The following MLF1 variants were observed in gnomAD, a reference collection of about 807,000 sequenced individuals.
MLF1 encodes myelodysplasia-myeloid leukemia factor 1.
MLF1 carries 37 observed loss-of-function variants against 38.3 expected under a neutral mutation model. That is an observed-to-expected ratio of 0.96 (90% CI 0.74 to 1.27). MLF1 has a LOEUF of 1.27. Among genes scored for constraint, MLF1 ranks in the 50% most tolerant of loss-of-function variants. The probability of loss-of-function intolerance (pLI) is 0.00; values close to 1 mark genes in which losing one functional copy is unlikely to be tolerated. For missense variants in MLF1, 331 were observed against 349.2 expected, an observed-to-expected ratio of 0.95 and a Z score of 0.42; for synonymous variants, 95 against 106.5, an observed-to-expected ratio of 0.89 and a Z score of 0.66.
Position 158,571,245 on chromosome 3 carries a change from G to C in MLF1, c.-56G>C, listed in dbSNP as rs935774995. On this transcript the variant is annotated 5_prime_UTR_variant, in exon 1 of 8. Transcript: ENST00000466246. ...CTAGCTCTTGTCGCGGCCGCGGCGAGTTAACATCGTTTTTCCAATCTGTCC... is the reference window on the plus strand; with the variant it reads ...CTAGCTCTTGTCGCGGCCGCGGCGACTTAACATCGTTTTTCCAATCTGTCC... The C allele has an allele frequency of 9.7e-6, 14 of 1,443,552 alleles. No individual in the cohort carries two copies. The highest frequency in any genetic ancestry group is 1.7e-5 in the Admixed American group (1 of 58,898). The allele number at this position is 1,443,552 out of a possible 1,614,324, so 89.4% of individuals were successfully genotyped here.
intron 1 of MLF1, among the ~76,000 whole-genome samples, chr3:158,572,808 CG>C (rs1714738773): frequency 7.2e-6 from 1 of 139,462 alleles, no homozygotes; most frequent in South Asian, 2.5e-4. Flanking sequence ...GGCGTGAGGT[CG>C]CAGGAGGATG....
Position 158,592,570 on chromosome 3 carries a change from G to T in MLF1, c.184G>T (p.Asp62Tyr), listed in dbSNP as rs138730214. 1.6e-5 allele frequency: 25 copies of T among 1,604,242 alleles called. No individual in the cohort carries two copies. The highest frequency in any genetic ancestry group is 2.1e-5 in the Non-Finnish European group (25 of 1,177,498). The change falls in exon 2 of 8, where the codon GAT becomes TAT. Residue 62 changes from aspartate to tyrosine, a missense_variant. Transcript: ENST00000466246. ...TCGTAGAGGACATAATGATGGTGAA[G>T]ATTCTTTGACTGTAAGTTCTTTTTT... ...HNRRGHNDGE[D>Y]SLTATSCSLV...
rs1198984587 is a variant in MLF1 at position 158,606,380 on chromosome 3, TTA to T, written c.*1183_*1184del. The T allele has an allele frequency of 6.1e-6, 1 of 163,674 alleles. No individual in the cohort carries two copies. Among genetic ancestry groups the T allele is most frequent in the Non-Finnish European group, 1.3e-5 (1 of 75,074 alleles). The allele number at this position is 163,674 out of a possible 1,614,324, so 10.1% of individuals were successfully genotyped here. A position where few individuals can be genotyped will look rare whatever the true frequency, so the allele number is the denominator to read the frequency against. ...ACTATGTTCATACTTCTCTAATTTT[TTA>T]TATAATATTTTTGTTAATTTTACTA... is the stretch of plus-strand genomic sequence containing the variant. On this transcript the variant is annotated 3_prime_UTR_variant, in exon 8 of 8. Transcript: ENST00000466246.
intron 3 of MLF1, among the ~76,000 whole-genome samples, 183 bp downstream of exon 3, chr3:158,593,609 G>C (rs978670515): frequency 3.3e-5 from 5 of 152,160 alleles, no homozygotes; most frequent in Non-Finnish European, 5.9e-5. Flanking sequence ...CATGTTTCCT[G>C]AAGTAAGTCA....
rs565003739 is a variant in MLF1, at chr3:158,586,121, G to A, written c.48-6313G>A. Among the ~76,000 whole-genome samples the A allele has an allele frequency of 4.6e-5, 7 of 150,814 alleles. No homozygotes were observed. The South Asian group carries it at 8.4e-4, about 18-fold the overall frequency. ...GGAGGTTGCAGTGAGCTGAGATTGC[G>A]CCATTGCACTCCAGCCTGGGCAGCA... is the stretch of plus-strand genomic sequence containing the variant. On this transcript the variant is annotated intron_variant, in intron 1 of 7. Transcript: ENST00000466246.
chr3:158,574,523 A>AAAAAAAAAAAAAACAAAAAC (rs1553830589), intron 1 of MLF1, among the ~76,000 whole-genome samples: 1 of 115,698 alleles, frequency 8.6e-6, no homozygotes, highest in African/African-American at 2.9e-5. Flanking sequence ...AAAAAAAAAA[A>AAAAAAAAAAAAAACAAAAAC]AAAATACAAA....
chr3:158,576,203 T>A (rs1178993569), intron 1 of MLF1, among the ~76,000 whole-genome samples: 3 of 152,212 alleles, frequency 2.0e-5, no homozygotes, highest in Admixed American at 2.0e-4. Context: ...TAAACTTTGG[T>A]ATCTCATTAT....
At chr3:158,580,788 A>G (rs1716218728) in intron 1 of MLF1, among the ~76,000 whole-genome samples, 1 of 32,722 alleles carries the variant, frequency 3.1e-5, no homozygotes, top group Non-Finnish European at 6.4e-5. Flanking sequence ...TCTCTACCAG[A>G]AAAAAAAAAA....
chr3:158,575,623 A>C (rs927764398), intron 1 of MLF1, among the ~76,000 whole-genome samples: 7 of 152,188 alleles, frequency 4.6e-5, no homozygotes, highest in Non-Finnish European at 8.8e-5. Flanking sequence ...CACATAGCTC[A>C]TGCCCACTCT....
chr3:158,587,875 C>T (rs1199991654), intron 1 of MLF1, among the ~76,000 whole-genome samples: 1 of 152,204 alleles, frequency 6.6e-6, no homozygotes, highest in Admixed American at 6.5e-5. Context: ...GCGGCGTGCG[C>T]CTGTAGTCCC....
At chr3:158,578,295 A>G (rs940568520) in intron 1 of MLF1, among the ~76,000 whole-genome samples, 8 of 152,118 alleles carry the variant, frequency 5.3e-5, no homozygotes, top group East Asian at 1.9e-4. Flanking sequence ...TGAGAACCTT[A>G]TGTAATAGGT....
chr3:158,582,792 A>T (rs555253527), intron 1 of MLF1: 20 of 635,316 alleles, frequency 3.1e-5, no homozygotes, highest in South Asian at 3.1e-4. Flanking sequence ...CAGACAAACA[A>T]AAATTTGGTG....
intron 1 of MLF1, among the ~76,000 whole-genome samples, chr3:158,588,189 A>G (rs1225174709): frequency 6.6e-6 from 1 of 152,110 alleles, no homozygotes; most frequent in East Asian, 1.9e-4. Flanking sequence ...TTGGAAGTGG[A>G]TTCTCCACCA....
At position 158,596,894 on chromosome 3, in the gene MLF1, C is replaced by A; in HGVS notation, c.273C>A (p.Asp91Glu). 1 of 1,609,556 alleles carries A rather than the reference C, an allele frequency of 6.2e-7. No homozygotes were observed. Among genetic ancestry groups the A allele is most frequent in the Non-Finnish European group, 8.5e-7 (1 of 1,177,222 alleles). Residue 91 changes from aspartate to glutamate, a missense_variant, in exon 4 of 8, where the codon GAC (aspartate) becomes GAA (glutamate). Transcript: ENST00000466246. ...ATGTCAGCTCTTTCCAGACAATGGA[C>A]CAAATGGTGTCAAATATGAGAAACT... Reference protein sequence around the residue: ...HTDVSSFQTMDQMVSNMRNYM... With the variant: ...HTDVSSFQTMEQMVSNMRNYM...
intron 1 of MLF1, among the ~76,000 whole-genome samples, chr3:158,578,489 T>A (rs1287456120): frequency 6.7e-6 from 1 of 149,830 alleles, no homozygotes; most frequent in Non-Finnish European, 1.5e-5. Context: ...TGTACGTATG[T>A]ACATACATAC....
intron 3 of MLF1, among the ~76,000 whole-genome samples, chr3:158,593,638 T>C (rs1718483171): frequency 6.6e-6 from 1 of 152,210 alleles, no homozygotes; most frequent in African/African-American, 2.4e-5. Context: ...TATATAAAAT[T>C]CATCTTCAAA....
chr3:158,577,255 T>C (rs1715609402), intron 1 of MLF1, among the ~76,000 whole-genome samples: 1 of 152,236 alleles, frequency 6.6e-6, no homozygotes, highest in Admixed American at 6.5e-5. Flanking sequence ...AGATGTGGGT[T>C]AACTTTTTTA....
intron 1 of MLF1, chr3:158,573,471 G>A (rs1432157792): frequency 6.6e-6 from 1 of 150,712 alleles, no homozygotes; most frequent in Admixed American, 6.6e-5. Flanking sequence ...AAGGTTCCCA[G>A]TGAAGTAATG....
Position 158,596,932 on chromosome 3 carries a change from TAGAAAGAAACTTCGTA to T in MLF1, c.314_324+5del. On this transcript the variant is annotated splice_donor_variant and splice_donor_region_variant and coding_sequence_variant and intron_variant, in exon 4 of 8. Coordinates refer to ENST00000466246, the MANE Select transcript of MLF1 (RefSeq NM_001369783.1). LOFTEE classifies it high-confidence loss of function. The stretch of plus-strand genomic sequence containing the variant: ...AATATGAGAAACTATATGCAGAAAT[TAGAAAGAAACTTCGTA>T]AGTACTAAAAACAAAGCATTGAGAA... The T allele has an allele frequency of 6.2e-7, 1 of 1,603,780 alleles. No individual in the cohort carries two copies. Among genetic ancestry groups the T allele is most frequent in the Non-Finnish European group, 8.5e-7 (1 of 1,172,678 alleles).
Sources: allele counts gnomAD v4.1 joint callset (sites outside exome capture counted in the v4.1 genomes callset), GRCh38; gene constraint gnomAD v4.1.1; transcripts MANE v1.5; gene names NCBI Gene and HGNC (gene_info 2026-07-23, HGNC 2026-07-21).